The following CNTNAP4 variants were observed in gnomAD, a reference collection of about 807,000 sequenced individuals.
CNTNAP4 encodes contactin-associated protein-like 4.
A neutral mutation model predicts 148.4 loss-of-function variants in CNTNAP4; 98 were observed. The ratio of observed to expected loss-of-function variants is 0.66; its 90% confidence interval spans 0.56 to 0.78. CNTNAP4 has a LOEUF of 0.78. Ranked by LOEUF, CNTNAP4 falls within the 30% of genes least tolerant of loss-of-function variation. The pLI, the probability that CNTNAP4 is intolerant of heterozygous loss-of-function variation, is 0.00. For synonymous variants in CNTNAP4, 730 were observed against 565.1 expected (o/e 1.29, Z -4.14); for missense variants, 1,935 against 1,565.6 (o/e 1.24, Z -3.98).
At position 76,544,797 on chromosome 16, in the gene CNTNAP4, A is replaced by T. The variant is rs75610169; in HGVS notation, c.3442+4007A>T. On this transcript the variant is annotated intron_variant, in intron 21 of 23. Transcript: ENST00000611870. ...TTTTCTATATTAGATACGGTGGTCC[A>T]TAATAATCATTTCTCTTTTTTGGGG... 1.1e-3 allele frequency among the ~76,000 whole-genome samples: 173 copies of T among 152,308 alleles called. 2 individuals are homozygous for T. The East Asian group carries it at 0.027, about 24-fold the overall frequency.
At chr16:76,373,791 A>C (rs940932306) in intron 3 of CNTNAP4, among the ~76,000 whole-genome samples, 3 of 150,216 alleles carry the variant, frequency 2.0e-5, no homozygotes, top group Non-Finnish European at 3.0e-5. Flanking sequence ...GCTACTTGGG[A>C]GGCTGAGGTG....
rs369447060 is a variant in CNTNAP4, at chr16:76,486,179, G to T, written c.1883-3507G>T. Among the ~76,000 whole-genome samples, 72 of 152,156 alleles carry T rather than the reference G, an allele frequency of 4.7e-4. No homozygotes were observed. In the South Asian group the frequency reaches 7.9e-3, roughly 17 times the overall value. On this transcript the variant is annotated intron_variant, in intron 12 of 23. Transcript: ENST00000611870. Reference sequence around the variant, plus strand: ...CAATGGAGATTTTCTGCCTATTTCAGCCATCTCTTATTCATTTCCCTGTCT... The same window carrying T: ...CAATGGAGATTTTCTGCCTATTTCATCCATCTCTTATTCATTTCCCTGTCT...
chr16:76,382,167 GTTT>G (rs1170391102), intron 3 of CNTNAP4, among the ~76,000 whole-genome samples: 2 of 147,370 alleles, frequency 1.4e-5, no homozygotes, highest in African/African-American at 2.5e-5. Flanking sequence ...AACATGCCTT[GTTT>G]TTCAGATTTT....
chr16:76,528,283 G>A (rs1340837982), intron 17 of CNTNAP4, among the ~76,000 whole-genome samples: 2 of 152,002 alleles, frequency 1.3e-5, no homozygotes, highest in African/African-American at 4.8e-5. Flanking sequence ...AATTTGAGAT[G>A]GATCTCTCTC....
At chr16:76,395,107 C>T (rs1008433075) in intron 3 of CNTNAP4, among the ~76,000 whole-genome samples, 3 of 152,184 alleles carry the variant, frequency 2.0e-5, no homozygotes, top group African/African-American at 7.2e-5. Flanking sequence ...CAATGACCAT[C>T]ATGACAATCA....
chr16:76,500,116 A>G (rs1453740637), intron 15 of CNTNAP4, among the ~76,000 whole-genome samples: 1 of 151,638 alleles, frequency 6.6e-6, no homozygotes, highest in East Asian at 2.0e-4. Context: ...GGGGCTCCGC[A>G]CTTCCCAGAC....
intron 10 of CNTNAP4, among the ~76,000 whole-genome samples, chr16:76,472,969 A>T (rs949473664): frequency 1.3e-5 from 2 of 152,212 alleles, no homozygotes; most frequent in Non-Finnish European, 2.9e-5. Flanking sequence ...AGAGTTAAAA[A>T]ATAAAAAGAC....
At chr16:76,335,825 G>T (rs957334511) in intron 2 of CNTNAP4, among the ~76,000 whole-genome samples, 1 of 152,176 alleles carries the variant, frequency 6.6e-6, no homozygotes, top group Non-Finnish European at 1.5e-5. Flanking sequence ...GGTAGAGGCA[G>T]TGCTGTTGGC....
Position 76,489,817 on chromosome 16 carries a change from C to G in CNTNAP4, c.2014C>G (p.Arg672Gly), listed in dbSNP as rs761022747. The G allele has an allele frequency of 1.9e-6, 3 of 1,605,716 alleles. No individual in the cohort carries two copies. The Admixed American group carries it at 5.1e-5, about 27-fold the overall frequency. Residue 672 changes from arginine (R) to glycine (G), a missense_variant, in exon 13 of 24, where the codon CGT (arginine) becomes GGT (glycine). Arg to Gly is a moderately radical substitution (Grantham distance 125). Coordinates refer to ENST00000611870, the MANE Select transcript of CNTNAP4 (RefSeq NM_033401.5). ...SMEQLQATIN[R>G]AEHCEQEFTY... ...GGAGCAACTTCAGGCCACTATTAAC[C>G]GTGCAGAGCACTGTGAACAGGAGTT...
At chr16:76,419,560 G>T (rs1568091484) in intron 3 of CNTNAP4, among the ~76,000 whole-genome samples, 3 of 151,958 alleles carry the variant, frequency 2.0e-5, no homozygotes, top group African/African-American at 7.2e-5. Context: ...AATTATCATA[G>T]AAGTTTTCCT....
At chr16:76,324,502 C>T (rs749909272) in intron 2 of CNTNAP4, among the ~76,000 whole-genome samples, 2 of 152,110 alleles carry the variant, frequency 1.3e-5, no homozygotes, top group Non-Finnish European at 2.9e-5. Context: ...ATGGGGGAAG[C>T]AGGTTAAGGA....
chr16:76,338,138 A>G (rs1013768549), intron 2 of CNTNAP4, among the ~76,000 whole-genome samples: 8 of 152,244 alleles, frequency 5.3e-5, no homozygotes, highest in African/African-American at 1.9e-4. Flanking sequence ...CGATTGGGGA[A>G]GCGATAAATG....
intron 3 of CNTNAP4, among the ~76,000 whole-genome samples, chr16:76,377,005 A>T (rs2015486784): frequency 6.6e-6 from 1 of 150,638 alleles, no homozygotes; most frequent in African/African-American, 2.4e-5. Context: ...GATTTATTTT[A>T]AGGAGTTGGC....
chr16:76,548,885 A>G (rs9926656), intron 21 of CNTNAP4, among the ~76,000 whole-genome samples: 11,212 of 152,188 alleles, frequency 0.074, 570 homozygotes, highest in African/African-American at 0.14. Context: ...GTCAAAGCAG[A>G]TATCTGATGC....
chr16:76,416,208 G>T (rs2078978234), intron 3 of CNTNAP4, among the ~76,000 whole-genome samples: 1 of 151,114 alleles, frequency 6.6e-6, no homozygotes, highest in African/African-American at 2.4e-5. Flanking sequence ...ACTTTTGAAA[G>T]AACCACCTTT....
In CNTNAP4 at chr16:76,553,361, G is replaced by A; in HGVS notation, c.3521G>A (p.Ser1174Asn). 2 of 1,612,860 alleles carry A rather than the reference G, an allele frequency of 1.2e-6. No individual in the cohort carries two copies. Among genetic ancestry groups the A allele is most frequent in the African/African-American group, 1.3e-5 (1 of 75,042 alleles). ...FTGCLSAVQL[S>N]HVAPLKAALH... ...GGCTGCCTCTCTGCAGTGCAGCTCA[G>A]CCACGTGGCCCCTCTGAAGGCAGCT... The change falls in exon 22 of 24, where the codon AGC (serine) becomes AAC (asparagine). Residue 1174 changes from serine (S) to asparagine (N), a missense_variant. Physicochemically the swap from Ser to Asn is conservative, Grantham distance 46. Coordinates refer to ENST00000611870, the MANE Select transcript of CNTNAP4 (RefSeq NM_033401.5).
chr16:76,309,755 AGGG>A (rs1004015036), intron 1 of CNTNAP4: 36 of 671,768 alleles, frequency 5.4e-5, no homozygotes, highest in African/African-American at 5.2e-4. Context: ...GTTTGGGCGG[AGGG>A]GGTGGTCCGG....
At chr16:76,410,999 C>G (rs528971061) in intron 3 of CNTNAP4, among the ~76,000 whole-genome samples, 1 of 151,392 alleles carries the variant, frequency 6.6e-6, no homozygotes, top group East Asian at 1.9e-4. Context: ...ATGTACATCA[C>G]AATATACATT....
intron 13 of CNTNAP4, among the ~76,000 whole-genome samples, chr16:76,491,708 T>C (rs1047698542): frequency 1.3e-5 from 2 of 152,216 alleles, no homozygotes; most frequent in African/African-American, 4.8e-5. Flanking sequence ...TCAGGTCATT[T>C]ATGTGGAAAA....
Sources: allele counts gnomAD v4.1 joint callset (sites outside exome capture counted in the v4.1 genomes callset), GRCh38; gene constraint gnomAD v4.1.1; transcripts MANE v1.5; gene names NCBI Gene and HGNC (gene_info 2026-07-23, HGNC 2026-07-21).